Variants in CCAR1 observed in about 807,000 individuals in gnomAD.
CCAR1 encodes the protein cell division cycle and apoptosis regulator 1.
CCAR1 carries 78 observed loss-of-function variants against 163.8 expected under a neutral mutation model. That is an observed-to-expected ratio of 0.48 (90% CI 0.40 to 0.57). The LOEUF (loss-of-function observed/expected upper bound fraction) is 0.57, where lower values mean the gene tolerates loss of function less well. Ranked by LOEUF, CCAR1 falls within the 20% of genes least tolerant of loss-of-function variation. The pLI, the probability that CCAR1 is intolerant of heterozygous loss-of-function variation, is 0.00. For synonymous variants in CCAR1, 443 were observed against 460.7 expected, an observed-to-expected ratio of 0.96 and a Z score of 0.49; for missense variants, 1,019 against 1,365.2, an observed-to-expected ratio of 0.75 and a Z score of 4.00.
chr10:68,782,229 A>C (rs1388617827), intron 19 of CCAR1, among the ~76,000 whole-genome samples: 1 of 152,178 alleles, frequency 6.6e-6, no homozygotes, highest in East Asian at 1.9e-4. Context: ...GCTATAGAAA[A>C]AAGTTTGAGG....
At position 68,742,497 on chromosome 10, in the gene CCAR1, T is replaced by C. The variant is rs1451577657; in HGVS notation, c.446T>C (p.Val149Ala). 2 of 1,614,056 alleles carry C rather than the reference T, an allele frequency of 1.2e-6. No homozygotes were observed. The highest frequency in any genetic ancestry group is 1.3e-5 in the African/African-American group (1 of 74,930). Residue 149 changes from valine to alanine, a missense_variant, in exon 6 of 25, where the codon GTT becomes GCT. Coordinates refer to ENST00000265872, the MANE Select transcript of CCAR1 (RefSeq NM_018237.4). ...CAAACCCAGCCTCAGAAGCAGCGTGTTTTCACAGGGGTGGTTACAAAACTA... is the reference window on the plus strand; with the variant it reads ...CAAACCCAGCCTCAGAAGCAGCGTGCTTTCACAGGGGTGGTTACAAAACTA... Reference protein sequence around the residue: ...QQQTQPQKQRVFTGVVTKLHD... With the variant: ...QQQTQPQKQRAFTGVVTKLHD...
intron 2 of CCAR1, among the ~76,000 whole-genome samples, chr10:68,728,341 C>A (rs1310280027): frequency 6.6e-6 from 1 of 151,480 alleles, no homozygotes; most frequent in Non-Finnish European, 1.5e-5. Flanking sequence ...AAAAAGACAT[C>A]CAAAAATAAT....
At chr10:68,722,799 A>G (rs1235083206) in intron 2 of CCAR1, among the ~76,000 whole-genome samples, 4 of 152,012 alleles carry the variant, frequency 2.6e-5, no homozygotes, top group African/African-American at 9.7e-5. Flanking sequence ...GCACGCGCCC[A>G]TAATCCTAGC....
At chr10:68,782,546 G>A (rs1242273506) in intron 19 of CCAR1, among the ~76,000 whole-genome samples, 2 of 152,166 alleles carry the variant, frequency 1.3e-5, no homozygotes. Flanking sequence ...GGCTGAAGAT[G>A]CCATCTTAAG....
intron 19 of CCAR1, among the ~76,000 whole-genome samples, chr10:68,781,909 G>T (rs1177624077): frequency 6.6e-6 from 1 of 152,126 alleles, no homozygotes; most frequent in Non-Finnish European, 1.5e-5. Flanking sequence ...GTGTTCAAGT[G>T]AAACCTAAAA....
At chr10:68,772,812 TATA>T (rs963394670) in intron 18 of CCAR1, among the ~76,000 whole-genome samples, 173 bp from the exon 19 acceptor site, 1 of 150,220 alleles carries the variant, frequency 6.7e-6, no homozygotes, top group Non-Finnish European at 1.5e-5. Context: ...GTTATGATAA[TATA>T]ATAATAATAT....
intron 5 of CCAR1, among the ~76,000 whole-genome samples, chr10:68,741,214 G>A (rs924143278): frequency 4.6e-5 from 7 of 152,114 alleles, no homozygotes; most frequent in South Asian, 2.1e-4. Flanking sequence ...CACCATGCCC[G>A]GCTGAGGTTT....
rs1324406686 is a variant in CCAR1 at position 68,756,233 on chromosome 10, T to C, written c.1626-40T>C. 2.0e-6 allele frequency: 3 copies of C among 1,533,770 alleles called. No individual in the cohort carries two copies. In the South Asian group the frequency reaches 3.4e-5, roughly 17 times the overall value. Reference sequence around the variant, plus strand: ...TGAACTAGGGTCTTTAAAATGTATTTTAGAATTTTTTTTCCAACATGCTTC... The same window carrying C: ...TGAACTAGGGTCTTTAAAATGTATTCTAGAATTTTTTTTCCAACATGCTTC... On this transcript the variant is annotated intron_variant, in intron 13 of 24. Coordinates refer to ENST00000265872, the MANE Select transcript of CCAR1 (RefSeq NM_018237.4). This position sits in a 1 kb window ranked among gnomAD's most constrained non-coding sequence, Gnocchi z 5.1.
chr10:68,729,389 C>T (rs546246989), intron 2 of CCAR1, among the ~76,000 whole-genome samples: 6 of 151,672 alleles, frequency 4.0e-5, no homozygotes, highest in South Asian at 2.1e-4. Flanking sequence ...CCTGCCTCAG[C>T]CTCCCGAGTA....
In CCAR1 at chr10:68,786,225, A is replaced by T. The variant is rs778819315; in HGVS notation, c.2733+7A>T. The stretch of plus-strand genomic sequence containing the variant: ...GAGGCCCTCTAAAGATAAGGTGTTT[A>T]TTGAATACTGTATTCTTTATAATAT... On this transcript the variant is annotated splice_region_variant and intron_variant, in intron 20 of 24. Coordinates refer to ENST00000265872, the MANE Select transcript of CCAR1 (RefSeq NM_018237.4). The T allele has an allele frequency of 6.5e-7, 1 of 1,549,214 alleles. No homozygotes were observed. Among genetic ancestry groups the T allele is most frequent in the East Asian group, 2.3e-5 (1 of 44,348 alleles).
intron 4 of CCAR1, 101 bp from the exon 5 acceptor site, chr10:68,740,528 A>C: frequency 1.0e-6 from 1 of 974,686 alleles, no homozygotes; most frequent in Non-Finnish European, 1.6e-6. Flanking sequence ...AAATAAAAAT[A>C]AGTAGAATAA....
intron 17 of CCAR1, among the ~76,000 whole-genome samples, chr10:68,767,350 C>T (rs927984644): frequency 6.6e-6 from 1 of 152,136 alleles, no homozygotes; most frequent in African/African-American, 2.4e-5. Flanking sequence ...TCACTGCAAC[C>T]TCTGCCTCCC....
chr10:68,750,214 CT>C (rs58204351), intron 10 of CCAR1, among the ~76,000 whole-genome samples: 1,835 of 52,968 alleles, frequency 0.035, 23 homozygotes, highest in Middle Eastern at 0.083. Flanking sequence ...TTTCTTTTTT[CT>C]TTTTTTTTTT....
At chr10:68,776,103 ATAGGC>A (rs1409770043) in intron 19 of CCAR1, among the ~76,000 whole-genome samples, 1 of 152,032 alleles carries the variant, frequency 6.6e-6, no homozygotes, top group Non-Finnish European at 1.5e-5. Context: ...TGCTGGGTTT[ATAGGC>A]ATGAGCCACT....
At chr10:68,730,463 G>C (rs1450489818) in intron 2 of CCAR1, among the ~76,000 whole-genome samples, 2 of 151,596 alleles carry the variant, frequency 1.3e-5, no homozygotes, top group African/African-American at 4.8e-5. Context: ...TCAGCCTGCT[G>C]AGTAGCTGGG....
In CCAR1 at chr10:68,766,003, A is replaced by C. The variant is rs1221218369; in HGVS notation, c.2222A>C (p.Lys741Thr). The change falls in exon 17 of 25, where the codon AAG (lysine) becomes ACG (threonine). Residue 741 changes from lysine to threonine, a missense_variant. By Grantham distance (78) the Lys-to-Thr change is moderately conservative. Around this residue, in one of 4 missense-constraint regions of CCAR1, gnomAD observed 644 missense variants for 904.4 expected, o/e 0.71. Coordinates refer to ENST00000265872, the MANE Select transcript of CCAR1 (RefSeq NM_018237.4). The part of the protein sequence containing the change: ...VHPNWAAKSG[K>T]FDCSIMSLSV... Reference sequence around the variant, plus strand: ...CCAAATTGGGCTGCAAAAAGTGGCAAGTTTGATTGTAGCATCATGTCTTTG... The same window carrying C: ...CCAAATTGGGCTGCAAAAAGTGGCACGTTTGATTGTAGCATCATGTCTTTG... 1 of 1,614,014 alleles carries C rather than the reference A, an allele frequency of 6.2e-7. No individual in the cohort carries two copies.
intron 19 of CCAR1, among the ~76,000 whole-genome samples, chr10:68,785,576 G>T (rs1298829069): frequency 6.6e-6 from 1 of 152,102 alleles, no homozygotes; most frequent in Non-Finnish European, 1.5e-5. Context: ...TAGCTTTATT[G>T]CAGTACTTGC....
rs749293536 is a variant in CCAR1, at chr10:68,756,356, T to G, written c.1709T>G (p.Val570Gly). 11 of 1,613,914 alleles carry G rather than the reference T, an allele frequency of 6.8e-6. No homozygotes were observed. Among genetic ancestry groups the G allele is most frequent in the Non-Finnish European group, 9.3e-6 (11 of 1,179,980 alleles). ...GTTCCAGCTCATGTGGAGACAGTGG[T>G]TTTATTTTTCCCGGATGTTTGGCAT... ...RTVPAHVETV[V>G]LFFPDVWHCL... The change falls in exon 14 of 25, where the codon GTT becomes GGT. Residue 570 changes from valine (V) to glycine (G), a missense_variant. Coordinates refer to ENST00000265872, the MANE Select transcript of CCAR1 (RefSeq NM_018237.4). The surrounding 1 kb of genome is among the most constrained non-coding windows in gnomAD (Gnocchi z 5.1).
At chr10:68,730,068 C>T (rs1471412440) in intron 2 of CCAR1, among the ~76,000 whole-genome samples, 9 of 151,572 alleles carry the variant, frequency 5.9e-5, no homozygotes, top group African/African-American at 1.2e-4. Context: ...TATAGGCACA[C>T]GTGCCACCAC....
Sources: allele counts gnomAD v4.1 joint callset (sites outside exome capture counted in the v4.1 genomes callset), GRCh38; gene constraint gnomAD v4.1.1; regional missense constraint gnomAD v4.1.1; non-coding constraint Gnocchi (gnomAD v3.1); transcripts MANE v1.5; gene names NCBI Gene and HGNC (gene_info 2026-07-23, HGNC 2026-07-21).